PABPC4L: variants seen among roughly 807,000 people sequenced by gnomAD.
PABPC4L encodes the protein polyadenylate-binding protein 4-like.
For missense variants in PABPC4L, 452 were observed against 451.4 expected, an observed-to-expected ratio of 1.00 and a Z score of -0.01; for synonymous variants, 169 against 164.1, an observed-to-expected ratio of 1.03 and a Z score of -0.23.
At chr4:134,118,354 G>A in the PABPC4L span, among the ~76,000 whole-genome samples, 2 of 151,788 alleles carry the variant, frequency 1.3e-5, no homozygotes, top group African/African-American at 4.8e-5. Context: ...TCAGGTCTAT[G>A]TGGAATAGCA....
the PABPC4L span, among the ~76,000 whole-genome samples, chr4:134,006,445 C>T: frequency 6.6e-6 from 1 of 151,860 alleles, no homozygotes; most frequent in Non-Finnish European, 1.5e-5. Flanking sequence ...TCTTAAGAAG[C>T]ATGTCCCAAG....
the PABPC4L span, among the ~76,000 whole-genome samples, chr4:134,145,737 ACT>A: frequency 6.6e-6 from 1 of 151,910 alleles, no homozygotes; most frequent in Non-Finnish European, 1.5e-5. Context: ...GATTCCTAGT[ACT>A]CTCTAAAATG....
chr4:134,025,865 A>G, the PABPC4L span, among the ~76,000 whole-genome samples: 2 of 152,110 alleles, frequency 1.3e-5, no homozygotes, highest in African/African-American at 4.8e-5. Flanking sequence ...TTTCATTCTA[A>G]CATAATTTTT....
the PABPC4L span, among the ~76,000 whole-genome samples, chr4:134,098,488 G>T: frequency 1.4e-4 from 21 of 151,618 alleles, no homozygotes; most frequent in African/African-American, 5.1e-4. Context: ...AATATTGGTG[G>T]TAAAGAGGGA....
chr4:133,965,127 A>T, the PABPC4L span, among the ~76,000 whole-genome samples: 1 of 152,158 alleles, frequency 6.6e-6, no homozygotes, highest in African/African-American at 2.4e-5. Context: ...AAGTTTTCAG[A>T]TACAAGATTA....
chr4:134,102,047 A>T, the PABPC4L span, among the ~76,000 whole-genome samples: 1 of 151,440 alleles, frequency 6.6e-6, no homozygotes, highest in African/African-American at 2.4e-5. Flanking sequence ...TACAAATCTA[A>T]TTTCACTTGA....
the PABPC4L span, chr4:134,010,637 G>C: frequency 6.6e-6 from 1 of 152,118 alleles, no homozygotes; most frequent in Admixed American, 6.6e-5. Flanking sequence ...ACATCTCTAG[G>C]GCTGGATGCA....
chr4:134,077,528 G>A, the PABPC4L span, among the ~76,000 whole-genome samples: 3 of 152,126 alleles, frequency 2.0e-5, no homozygotes, highest in East Asian at 1.9e-4. Context: ...ATCATTGGGT[G>A]GGTGAGCTAA....
chr4:134,056,808 G>T, the PABPC4L span, among the ~76,000 whole-genome samples: 1 of 151,606 alleles, frequency 6.6e-6, no homozygotes, highest in Non-Finnish European at 1.5e-5. Flanking sequence ...TTTCCTATTG[G>T]GACAATTACA....
chr4:134,028,122 C>T, the PABPC4L span, among the ~76,000 whole-genome samples: 6 of 152,102 alleles, frequency 3.9e-5, no homozygotes, highest in African/African-American at 1.4e-4. Context: ...TCTTGGACTC[C>T]AGCCCAGAAA....
chr4:134,005,476 G>T, the PABPC4L span, among the ~76,000 whole-genome samples: 7 of 151,788 alleles, frequency 4.6e-5, no homozygotes, highest in African/African-American at 1.7e-4. Flanking sequence ...TATGAATAAT[G>T]GATTAGTATA....
At chr4:133,955,737 A>G in the PABPC4L span, among the ~76,000 whole-genome samples, 16 of 152,196 alleles carry the variant, frequency 1.1e-4, no homozygotes, top group Non-Finnish European at 2.1e-4. Flanking sequence ...TGGAATGCAT[A>G]TTTGATTAAC....
At chr4:134,162,806 T>C in the PABPC4L span, among the ~76,000 whole-genome samples, 1 of 152,036 alleles carries the variant, frequency 6.6e-6, no homozygotes, top group African/African-American at 2.4e-5. Flanking sequence ...TAAAAATTTT[T>C]CAAAATGAAT....
chr4:133,991,814 T>C, the PABPC4L span, among the ~76,000 whole-genome samples: 30 of 152,284 alleles, frequency 2.0e-4, no homozygotes, highest in African/African-American at 7.0e-4. Flanking sequence ...AATATTTAAA[T>C]TAGATATATT....
the PABPC4L span, among the ~76,000 whole-genome samples, chr4:134,097,515 A>G: frequency 6.6e-6 from 1 of 152,026 alleles, no homozygotes; most frequent in East Asian, 1.9e-4. Context: ...CCCTGATGTT[A>G]TACTCATAAT....
the PABPC4L span, among the ~76,000 whole-genome samples, chr4:134,015,289 C>T: frequency 1.2e-4 from 19 of 152,266 alleles, no homozygotes; most frequent in South Asian, 3.5e-3. Context: ...AAAAGCCTTA[C>T]AGGTTAGTTC....
the PABPC4L span, among the ~76,000 whole-genome samples, chr4:134,029,636 T>A: frequency 2.0e-5 from 3 of 151,936 alleles, no homozygotes; most frequent in Non-Finnish European, 4.4e-5. Flanking sequence ...AGTTATTTCA[T>A]CTTAGTTTAA....
At chr4:134,115,250 A>C in the PABPC4L span, among the ~76,000 whole-genome samples, 70 of 151,966 alleles carry the variant, frequency 4.6e-4, no homozygotes, top group African/African-American at 1.6e-3. Context: ...GGCACTGTCT[A>C]TGGTCCTAGT....
At chr4:133,974,194 A>G in the PABPC4L span, among the ~76,000 whole-genome samples, 6 of 152,180 alleles carry the variant, frequency 3.9e-5, no homozygotes, top group South Asian at 4.1e-4. Flanking sequence ...GAATGTCCAA[A>G]AAAACCCCTC....
Sources: allele counts gnomAD v4.1 joint callset (sites outside exome capture counted in the v4.1 genomes callset), GRCh38; gene constraint gnomAD v4.1.1; transcripts MANE v1.5; gene names NCBI Gene and HGNC (gene_info 2026-07-23, HGNC 2026-07-21).